The following DACH1 variants were observed in gnomAD, a reference collection of about 807,000 sequenced individuals.
DACH1 encodes the protein dachshund family transcription factor 1.
In DACH1, 12 loss-of-function variants were observed where a neutral mutation model predicts 54.2. That is an observed-to-expected ratio of 0.22 (90% confidence interval 0.14 to 0.36). The LOEUF is 0.36. Among genes scored for constraint, DACH1 ranks in the 10% least tolerant of loss-of-function variants. The pLI is 1.00. For synonymous variants in DACH1, 386 were observed against 366.2 expected (o/e 1.05, Z -0.62); for missense variants, 805 against 929.8 (o/e 0.87, Z 1.75).
At chr13:71,752,075 A>G (rs766628690) in intron 1 of DACH1, among the ~76,000 whole-genome samples, 32 of 152,300 alleles carry the variant, frequency 2.1e-4, no homozygotes, top group Non-Finnish European at 4.1e-4. Flanking sequence ...CTGAAATGCC[A>G]TCCTCTCAGA....
intron 3 of DACH1, among the ~76,000 whole-genome samples, chr13:71,618,329 A>G (rs964672132): frequency 2.0e-5 from 3 of 152,088 alleles, no homozygotes; most frequent in African/African-American, 7.2e-5. Context: ...CTTAGTTGAT[A>G]GAAAAACTCA....
intron 6 of DACH1, among the ~76,000 whole-genome samples, chr13:71,492,718 C>T (rs1879079526): frequency 6.6e-6 from 1 of 150,782 alleles, no homozygotes; most frequent in African/African-American, 2.4e-5. Context: ...TGCTTCTCTC[C>T]CTCTCTTGTT....
chr13:71,570,088 G>A (rs989089218), intron 4 of DACH1, among the ~76,000 whole-genome samples: 6 of 152,054 alleles, frequency 3.9e-5, no homozygotes, highest in African/African-American at 1.4e-4. Flanking sequence ...CATCTATTAG[G>A]TGAGTTTATA....
chr13:71,845,550 C>T (rs1566539022), intron 1 of DACH1, among the ~76,000 whole-genome samples: 1 of 152,180 alleles, frequency 6.6e-6, no homozygotes, highest in Non-Finnish European at 1.5e-5. Context: ...TACTCCCAAA[C>T]TTGCCATAGT....
At chr13:71,456,360 A>T (rs1329967186) in intron 10 of DACH1, among the ~76,000 whole-genome samples, 1 of 152,076 alleles carries the variant, frequency 6.6e-6, no homozygotes, top group African/African-American at 2.4e-5. Flanking sequence ...ATTTCCATTA[A>T]AATTAATAGC....
Position 71,445,601 on chromosome 13 carries a change from C to T in DACH1, c.2084-4909G>A, listed in dbSNP as rs917815015. On this transcript the variant is annotated intron_variant, in intron 10 of 10. Transcript: ENST00000613252. The stretch of plus-strand genomic sequence containing the variant: ...TCAGAATCCACCGGAGGCAGAAATG[C>T]ACCACGCACAGACAGACCCTTGAAG... Among the ~76,000 whole-genome samples, 3 of 152,276 alleles carry T rather than the reference C, an allele frequency of 2.0e-5. 1 individual carries two copies. In the South Asian group the frequency reaches 6.2e-4, roughly 32 times the overall value.
chr13:71,623,780 C>T lies in DACH1; in HGVS notation c.1126+6776G>A, dbSNP rs1292170827. 2.6e-5 allele frequency among the ~76,000 whole-genome samples: 4 copies of T among 151,868 alleles called. No individual in the cohort carries two copies. The East Asian group carries it at 7.7e-4, about 29-fold the overall frequency. On this transcript the variant is annotated intron_variant, in intron 3 of 10. Coordinates refer to ENST00000613252, the MANE Select transcript of DACH1 (RefSeq NM_080759.6). ...TCTAAGTAGTTAAGTTATTTATTAA[C>T]TACATTATTACTGGAAGCTAAATCT...
intron 2 of DACH1, among the ~76,000 whole-genome samples, chr13:71,667,454 T>TA (rs754437329): frequency 6.6e-5 from 10 of 152,230 alleles, no homozygotes; most frequent in African/African-American, 2.2e-4. Context: ...TGATCAATTT[T>TA]AAAAAATCAA....
rs116824512 is a variant in DACH1 at position 71,446,731 on chromosome 13, C to T, written c.2084-6039G>A. Among the ~76,000 whole-genome samples the T allele has an allele frequency of 4.5e-3, 684 of 152,320 alleles. 3 individuals are homozygous for T. Among genetic ancestry groups the T allele is most frequent in the African/African-American group, 0.016 (654 of 41,560 alleles). On this transcript the variant is annotated intron_variant, in intron 10 of 10. Transcript: ENST00000613252. ...CCTAAACACCTAGTACCATTTGTCT[C>T]GCTGCCTTGTGGATCTGCTCTTTGC... is the stretch of plus-strand genomic sequence containing the variant.
chr13:71,629,419 T>A (rs1876912891), intron 3 of DACH1, among the ~76,000 whole-genome samples: 1 of 152,170 alleles, frequency 6.6e-6, no homozygotes, highest in South Asian at 2.1e-4. Flanking sequence ...GCTGAAAAGA[T>A]GCATTTTTCC....
intron 6 of DACH1, among the ~76,000 whole-genome samples, chr13:71,495,056 A>G (rs947885382): frequency 2.6e-5 from 4 of 152,094 alleles, no homozygotes; most frequent in African/African-American, 9.6e-5. Context: ...TGGATTATAT[A>G]TTCTCTTTCA....
chr13:71,618,913 A>G (rs953641030), intron 3 of DACH1, among the ~76,000 whole-genome samples: 3 of 151,802 alleles, frequency 2.0e-5, no homozygotes, highest in African/African-American at 7.2e-5. Context: ...AATTTACTGC[A>G]CTTAAGATTA....
chr13:71,649,140 T>C (rs930825353), intron 2 of DACH1, among the ~76,000 whole-genome samples: 10 of 152,156 alleles, frequency 6.6e-5, no homozygotes, highest in Admixed American at 4.6e-4. Context: ...ACAAATACCA[T>C]TGTATTATTA....
Position 71,744,267 on chromosome 13 carries a change from T to C in DACH1, c.849-62357A>G, listed in dbSNP as rs59478312. Among the ~76,000 whole-genome samples the C allele has an allele frequency of 7.5e-3, 1,145 of 152,336 alleles. 20 individuals are homozygous for C. Among genetic ancestry groups the C allele is most frequent in the African/African-American group, 0.026 (1,084 of 41,570 alleles). On this transcript the variant is annotated intron_variant, in intron 1 of 10. Transcript: ENST00000613252. Reference sequence around the variant, plus strand: ...AAGCAGAAATATAGCTCATGAATTTTAGAAGTTTACAAGAAAAGAAGTACA... The same window carrying C: ...AAGCAGAAATATAGCTCATGAATTTCAGAAGTTTACAAGAAAAGAAGTACA...
In DACH1 at chr13:71,516,850, C is replaced by T. The variant is rs562684559; in HGVS notation, c.1571-27702G>A. Among the ~76,000 whole-genome samples, 51 of 151,754 alleles carry T rather than the reference C, an allele frequency of 3.4e-4. 1 individual carries two copies. In the South Asian group the frequency reaches 0.01, roughly 30 times the overall value. ...TATTCTAGCATCTGTAAGTGCCCTA[C>T]AAACATTAACCAAGGAAAGTTAAAA... On this transcript the variant is annotated intron_variant, in intron 6 of 10. Coordinates refer to ENST00000613252, the MANE Select transcript of DACH1 (RefSeq NM_080759.6).
At chr13:71,474,009 C>T (rs764576098) in intron 10 of DACH1, among the ~76,000 whole-genome samples, 9 of 152,064 alleles carry the variant, frequency 5.9e-5, no homozygotes, top group African/African-American at 9.7e-5. Flanking sequence ...GTGCTGAAAT[C>T]CATAGTACTC....
rs149101657 is a variant in DACH1 at position 71,829,681 on chromosome 13, T to G, written c.848+36241A>C. Among the ~76,000 whole-genome samples the G allele has an allele frequency of 8.4e-3, 1,270 of 152,012 alleles. 12 individuals are homozygous for G. The highest frequency in any genetic ancestry group is 0.027 in the African/African-American group (1,109 of 41,518). On this transcript the variant is annotated intron_variant, in intron 1 of 10. Transcript: ENST00000613252. ...TTGTTTCAAATAATCAAAGTAGTGT[T>G]TATATCACTGTCCTCAGGTGCAACC... is the stretch of plus-strand genomic sequence containing the variant.
At chr13:71,618,123 T>A (rs1875921170) in intron 3 of DACH1, among the ~76,000 whole-genome samples, 1 of 152,116 alleles carries the variant, frequency 6.6e-6, no homozygotes, top group Non-Finnish European at 1.5e-5. Flanking sequence ...ATAAAATATG[T>A]AATTTCACAA....
At chr13:71,799,654 A>G (rs1268289908) in intron 1 of DACH1, among the ~76,000 whole-genome samples, 1 of 152,134 alleles carries the variant, frequency 6.6e-6, no homozygotes, top group African/African-American at 2.4e-5. Flanking sequence ...TGGCATTTCT[A>G]TGATGGAATT....
Sources: gnomAD v4.1 joint callset for allele counts (sites outside exome capture counted in the v4.1 genomes callset) on GRCh38, gnomAD v4.1.1 for gene constraint, MANE v1.5 for transcripts, NCBI Gene and HGNC (gene_info 2026-07-23, HGNC 2026-07-21) for gene names.